Variants in ORC3 observed in about 807,000 individuals in gnomAD.
The protein encoded by ORC3 is origin recognition complex subunit 3, also known as homolog of latheo, Drosophila.
ORC3 carries 78 observed loss-of-function variants against 100.7 expected under a neutral mutation model. That is an observed-to-expected ratio of 0.77 (90% CI 0.65 to 0.94). The LOEUF (loss-of-function observed/expected upper bound fraction) is 0.94, where lower values mean the gene tolerates loss of function less well. Among genes scored for constraint, ORC3 ranks in the 40% least tolerant of loss-of-function variants. The pLI, the probability that ORC3 is intolerant of heterozygous loss-of-function variation, is 0.00. For missense variants in ORC3, 789 were observed against 823.9 expected, an observed-to-expected ratio of 0.96 and a Z score of 0.52; for synonymous variants, 295 against 289.3, an observed-to-expected ratio of 1.02 and a Z score of -0.20.
chr6:87,654,369 C>T (rs1450692642), intron 14 of ORC3, among the ~76,000 whole-genome samples: 2 of 152,214 alleles, frequency 1.3e-5, no homozygotes, highest in East Asian at 3.8e-4. Flanking sequence ...AAGGGATTTT[C>T]TTTCAGGTTA....
chr6:87,673,148 A>G, the ORC3 span, among the ~76,000 whole-genome samples: 1 of 144,112 alleles, frequency 6.9e-6, no homozygotes, highest in African/African-American at 2.6e-5. Context: ...GGAGCAAAAA[A>G]AAAAAATTTT....
At chr6:87,599,790 A>G (rs952935409) in intron 2 of ORC3, among the ~76,000 whole-genome samples, 7 of 147,580 alleles carry the variant, frequency 4.7e-5, no homozygotes, top group African/African-American at 1.5e-4. Context: ...AGCCTGGCCA[A>G]TGTGGTGAAA....
the ORC3 span, chr6:87,675,732 C>G: frequency 6.9e-7 from 1 of 1,445,022 alleles, no homozygotes; most frequent in Non-Finnish European, 9.6e-7. Flanking sequence ...AGTTATGCTG[C>G]CTATTTCCTC....
Position 87,665,788 on chromosome 6 carries a change from T to C in ORC3, c.1985T>C (p.Met662Thr). Residue 662 changes from methionine (M) to threonine (T), a missense_variant, in exon 19 of 20, where the codon ATG (methionine) becomes ACG (threonine). Met to Thr is a moderately conservative substitution (Grantham distance 81). This residue lies in a region of ORC3 where 366 missense variants were observed against 394.2 expected (regional missense o/e 0.93). Transcript: ENST00000392844. ...ACAGTTGTGACAGCTGCTGAAAAAA[T>C]GGATGCAAATTCTGCAACCTCAGAA... Reference protein sequence around the residue: ...FATVVTAAEKMDANSATSEEM... With the variant: ...FATVVTAAEKTDANSATSEEM... The C allele has an allele frequency of 1.9e-6, 3 of 1,612,632 alleles. No homozygotes were observed.
intron 6 of ORC3, 33 bp from the exon 7 acceptor site, chr6:87,609,063 C>G: frequency 6.4e-7 from 1 of 1,568,892 alleles, no homozygotes; most frequent in South Asian, 1.2e-5. Flanking sequence ...TAAGGCTTAC[C>G]TTTAACTCTT....
chr6:87,673,254 G>C, the ORC3 span, among the ~76,000 whole-genome samples: 14 of 147,702 alleles, frequency 9.5e-5, no homozygotes, highest in African/African-American at 3.5e-4. Context: ...TCTGCCTCCT[G>C]AGTTCAAGCG....
intron 14 of ORC3, among the ~76,000 whole-genome samples, chr6:87,655,953 T>C (rs1405673647): frequency 6.6e-6 from 1 of 152,192 alleles, no homozygotes; most frequent in African/African-American, 2.4e-5. Context: ...AGCAGTTTAT[T>C]CTTTAAGCCA....
chr6:87,632,957 A>G (rs928373872), intron 11 of ORC3, among the ~76,000 whole-genome samples: 1 of 152,238 alleles, frequency 6.6e-6, no homozygotes, highest in African/African-American at 2.4e-5. Context: ...AACTGAGACC[A>G]CCTAGGAGAA....
chr6:87,616,859 G>A (rs553985656), intron 9 of ORC3, among the ~76,000 whole-genome samples: 1 of 151,898 alleles, frequency 6.6e-6, no homozygotes, highest in Non-Finnish European at 1.5e-5. Context: ...GGAGTGCAGT[G>A]GCATGATCTC....
intron 14 of ORC3, among the ~76,000 whole-genome samples, chr6:87,654,272 A>G (rs1183843681): frequency 6.6e-6 from 1 of 152,204 alleles, no homozygotes; most frequent in African/African-American, 2.4e-5. Context: ...GCACCTGATG[A>G]GTGCTCAGTC....
intron 13 of ORC3, among the ~76,000 whole-genome samples, chr6:87,645,599 T>C (rs764625955): frequency 1.3e-5 from 2 of 152,220 alleles, no homozygotes; most frequent in Non-Finnish European, 2.9e-5. Context: ...TTTTCAAAAC[T>C]AGCTGGTAAT....
intron 1 of ORC3, among the ~76,000 whole-genome samples, chr6:87,593,821 C>T (rs935628356): frequency 2.6e-5 from 4 of 152,174 alleles, no homozygotes; most frequent in East Asian, 1.9e-4. Flanking sequence ...CTGAGCCTCC[C>T]GAGTAGCTGG....
At chr6:87,664,345 TAGTATTTACTAATAC>T (rs1382272456) in intron 17 of ORC3, among the ~76,000 whole-genome samples, 3 of 152,154 alleles carry the variant, frequency 2.0e-5, no homozygotes, top group African/African-American at 7.2e-5. Flanking sequence ...TAAGTGGTAT[TAGTATTTACTAATAC>T]AGTATAGTAA....
chr6:87,624,613 T>C (rs1227413249), intron 11 of ORC3, among the ~76,000 whole-genome samples: 3 of 152,208 alleles, frequency 2.0e-5, no homozygotes, highest in African/African-American at 7.2e-5. Flanking sequence ...CTACAAAATA[T>C]AGGAAATTTT....
chr6:87,620,189 C>A (rs1176567114), intron 9 of ORC3, among the ~76,000 whole-genome samples: 1 of 152,132 alleles, frequency 6.6e-6, no homozygotes, highest in Non-Finnish European at 1.5e-5. Context: ...CGCAGCAAGC[C>A]CCTTAGCCTG....
chr6:87,664,876 A>C lies in ORC3; in HGVS notation c.1950+17A>C, dbSNP rs1040384024. On this transcript the variant is annotated intron_variant, in intron 18 of 19. Coordinates refer to ENST00000392844, the MANE Select transcript of ORC3 (RefSeq NM_012381.4). ...TGGTCAGAGGTAGGTTGTAGGGAAAAGAACAAGCTAGATATTTTTCTAACC... is the reference window on the plus strand; with the variant it reads ...TGGTCAGAGGTAGGTTGTAGGGAAACGAACAAGCTAGATATTTTTCTAACC... The C allele has an allele frequency of 7.0e-7, 1 of 1,429,760 alleles. No homozygotes were observed. The highest frequency in any genetic ancestry group is 1.4e-5 in the African/African-American group (1 of 70,372). 88.6% of individuals were successfully genotyped at this position (1,429,760 alleles called of 1,614,324 possible).
rs757197499 is a variant in ORC3 at position 87,656,947 on chromosome 6, G to A, written c.1558G>A (p.Gly520Arg). ...AGATGCTTCTGGGTCACAGCCAAAG[G>A]GGCTTCAGAAGACAGACCTCTATCA... ...EEDASGSQPKGLQKTDLYHLQ... is the reference protein window; with the variant it reads ...EEDASGSQPKRLQKTDLYHLQ... Residue 520 changes from glycine to arginine, a missense_variant, in exon 15 of 20, where the codon GGG becomes AGG. Physicochemically the swap from Gly to Arg is moderately radical, Grantham distance 125. Transcript: ENST00000392844. 1.3e-5 allele frequency: 21 copies of A among 1,613,118 alleles called. No individual in the cohort carries two copies. Among genetic ancestry groups the A allele is most frequent in the Middle Eastern group, 1.6e-4 (1 of 6,076 alleles).
At chr6:87,643,065 G>T (rs1471773385) in intron 13 of ORC3, among the ~76,000 whole-genome samples, 1 of 152,102 alleles carries the variant, frequency 6.6e-6, no homozygotes, top group African/African-American at 2.4e-5. Flanking sequence ...ATGAAATCAG[G>T]CTTGGGACAG....
intron 5 of ORC3, among the ~76,000 whole-genome samples, chr6:87,606,581 ACT>A (rs2128251061): frequency 6.6e-6 from 1 of 150,792 alleles, no homozygotes; most frequent in African/African-American, 2.4e-5. Context: ...CCTAGGCTGT[ACT>A]ACAGTAGCAT....
Sources: gnomAD v4.1 joint callset for allele counts (sites outside exome capture counted in the v4.1 genomes callset) on GRCh38, gnomAD v4.1.1 for gene constraint, gnomAD v4.1.1 regional missense constraint, MANE v1.5 for transcripts, NCBI Gene and HGNC (gene_info 2026-07-23, HGNC 2026-07-21) for gene names.